ZNF483: variants seen among roughly 807,000 people sequenced by gnomAD.
ZNF483 encodes the protein zinc finger protein HIT-10.
A neutral mutation model predicts 28.6 loss-of-function variants in ZNF483; 9 were observed. That is an observed-to-expected ratio of 0.32 (90% CI 0.19 to 0.55). The LOEUF (loss-of-function observed/expected upper bound fraction) is 0.55. Among genes scored for constraint, ZNF483 ranks in the 20% least tolerant of loss-of-function variants. ZNF483 has a pLI of 0.93. For synonymous variants in ZNF483, 322 were observed against 306.2 expected, an observed-to-expected ratio of 1.05 and a Z score of -0.54; for missense variants, 675 against 871.7, an observed-to-expected ratio of 0.77 and a Z score of 2.84.
intron 5 of ZNF483, among the ~76,000 whole-genome samples, chr9:111,541,088 CT>C (rs747551274): frequency 0.081 from 10,390 of 128,078 alleles, 368 homozygotes; most frequent in East Asian, 0.14. Context: ...AAGTTTGAAC[CT>C]TTTTTTTTTT....
Position 111,527,190 on chromosome 9 carries a change from A to C in ZNF483, c.-128-78A>C, listed in dbSNP as rs1011309020. The C allele has an allele frequency of 8.1e-6, 4 of 494,026 alleles. No homozygotes were observed. In the Admixed American group the frequency reaches 1.4e-4, roughly 17 times the overall value. 30.6% of individuals were successfully genotyped at this position (494,026 alleles called of 1,614,324 possible). ...TATGTGTGTGGATATATTTCTCTGAACCAAACCAAGAACGATGTTTTTAGG... is the reference window on the plus strand; with the variant it reads ...TATGTGTGTGGATATATTTCTCTGACCCAAACCAAGAACGATGTTTTTAGG... On this transcript the variant is annotated intron_variant, in intron 1 of 5. Transcript: ENST00000309235.
chr9:111,544,362 G>A lies in ZNF483; in HGVS notation c.*1192G>A. The stretch of plus-strand genomic sequence containing the variant: ...GGTGTGTGTGCATGTGTGTGTGTGT[G>A]TGTGTGTGTGTATACATTGTTGCCA... On this transcript the variant is annotated 3_prime_UTR_variant, in exon 6 of 6. Coordinates refer to ENST00000309235, the MANE Select transcript of ZNF483 (RefSeq NM_133464.5). 7.1e-6 allele frequency: 7 copies of A among 984,306 alleles called. No individual in the cohort carries two copies. The highest frequency in any genetic ancestry group is 8.4e-6 in the Non-Finnish European group (7 of 829,076). 61.0% of individuals were successfully genotyped at this position (984,306 alleles called of 1,614,324 possible).
At position 111,534,283 on chromosome 9, in the gene ZNF483, G is replaced by C. The variant is rs756053421; in HGVS notation, c.651G>C (p.Glu217Asp). 2 of 1,613,998 alleles carry C rather than the reference G, an allele frequency of 1.2e-6. No individual in the cohort carries two copies. The highest frequency in any genetic ancestry group is 3.3e-5 in the Admixed American group (2 of 59,988). ...CAGACTTTCCAGTTTCAAAATTAGA[G>C]TTGATTTCCCAGCTAAAGTGGGTTG... ...EFLDFPVSKL[E>D]LISQLKWVEL... is the part of the protein sequence containing the mutation. The change falls in exon 5 of 6, where the codon GAG (glutamate) becomes GAC (aspartate). Residue 217 changes from glutamate to aspartate, a missense_variant. Glu to Asp is a conservative substitution (Grantham distance 45, BLOSUM62 2). This residue lies in a region of ZNF483 where 525 missense variants were observed against 581.8 expected (regional missense o/e 0.90). Coordinates refer to ENST00000309235, the MANE Select transcript of ZNF483 (RefSeq NM_133464.5).
At chr9:111,527,951 T>C in intron 2 of ZNF483, 144 bp downstream of exon 2, 1 of 1,539,234 alleles carries the variant, frequency 6.5e-7, no homozygotes, top group Non-Finnish European at 8.8e-7. Context: ...TGCCATTTAC[T>C]GTGTGATTTT....
chr9:111,575,670 C>T (rs1829024448), intron 5 of ZNF483, among the ~76,000 whole-genome samples: 1 of 152,210 alleles, frequency 6.6e-6, no homozygotes, highest in South Asian at 2.1e-4. Flanking sequence ...TTTCAATAAA[C>T]GTGCCGAACA....
At chr9:111,556,625 T>C (rs1828131201), downstream of ZNF483, among the ~76,000 whole-genome samples, 1 of 152,236 alleles carries the variant, frequency 6.6e-6, no homozygotes, top group Admixed American at 6.5e-5. Flanking sequence ...TTAGGGTTTG[T>C]ATCCAATGCT....
At chr9:111,560,082 A>G (rs1828230095), downstream of ZNF483, among the ~76,000 whole-genome samples, 1 of 150,198 alleles carries the variant, frequency 6.7e-6, no homozygotes, top group Non-Finnish European at 1.5e-5. Flanking sequence ...ATGCCTCCCA[A>G]AGTGCCTCAT....
exon 6 of ZNF483, chr9:111,576,557 G>C: frequency 9.9e-7 from 1 of 1,011,994 alleles, no homozygotes; most frequent in Middle Eastern, 2.3e-4. Flanking sequence ...AGCTAGTGGA[G>C]TGGCCATAGG....
At chr9:111,567,735 G>A (rs1335365381) in intron 5 of ZNF483, among the ~76,000 whole-genome samples, 1 of 152,120 alleles carries the variant, frequency 6.6e-6, no homozygotes, top group African/African-American at 2.4e-5. Flanking sequence ...TTAACAGATC[G>A]CTATGGCCAC....
chr9:111,565,913 G>A lies in ZNF483; in HGVS notation c.722-10452G>A, dbSNP rs563183294. Among the ~76,000 whole-genome samples the A allele has an allele frequency of 5.3e-5, 8 of 152,190 alleles. No individual in the cohort carries two copies. In the South Asian group the frequency reaches 8.3e-4, roughly 16 times the overall value. On this transcript the variant is annotated intron_variant, in intron 5 of 5. Coordinates refer to the ZNF483 transcript ENST00000358151. ...TGTGAAAGAAATTAGGCCAACTCAC[G>A]ACTTAAAACCCACTAGGGCTGGGCG...
intron 5 of ZNF483, among the ~76,000 whole-genome samples, chr9:111,540,672 T>A (rs1166341847): frequency 1.3e-5 from 2 of 152,236 alleles, no homozygotes; most frequent in Non-Finnish European, 2.9e-5. Context: ...TAGGGCCAGC[T>A]GTGGTAATCT....
chr9:111,577,983 T>TAATG (rs1829132472), downstream of ZNF483: 1 of 151,884 alleles, frequency 6.6e-6, no homozygotes, highest in Non-Finnish European at 1.5e-5. Flanking sequence ...GAGTGACTGC[T>TAATG]AATGAGTAGC....
chr9:111,534,021 T>C lies in ZNF483; in HGVS notation c.628+156T>C, dbSNP rs1488543630. 2.0e-5 allele frequency among the ~76,000 whole-genome samples: 3 copies of C among 152,214 alleles called. No individual in the cohort carries two copies. The East Asian group carries it at 5.8e-4, about 29-fold the overall frequency. ...TAAAAACTGGTTCTGAAAATGTGCT[T>C]TTCTGCAGCGTATCTTCTAGAAAAG... On this transcript the variant is annotated intron_variant, in intron 4 of 5. Coordinates refer to ENST00000309235, the MANE Select transcript of ZNF483 (RefSeq NM_133464.5).
chr9:111,527,877 G>C, intron 2 of ZNF483, 70 bp downstream of exon 2: 1 of 1,612,448 alleles, frequency 6.2e-7, no homozygotes, highest in African/African-American at 1.3e-5. Context: ...TTCCTCAAAA[G>C]AAGGCAATTT....
intron 5 of ZNF483, among the ~76,000 whole-genome samples, chr9:111,567,606 G>C (rs1047421864): frequency 4.6e-5 from 7 of 152,210 alleles, no homozygotes; most frequent in Non-Finnish European, 8.8e-5. Flanking sequence ...AAATCAGAGA[G>C]ATATCAGGGG....
At chr9:111,533,682 A>G in intron 3 of ZNF483, 57 bp from the exon 4 acceptor site, 1 of 1,489,050 alleles carries the variant, frequency 6.7e-7, no homozygotes, top group Non-Finnish European at 8.9e-7. Flanking sequence ...AAAAAAAAAA[A>G]GTACTTAGGT....
In ZNF483 at chr9:111,542,351, T is replaced by C. The variant is rs758340017; in HGVS notation, c.1416T>C (p.Cys472=). 6.2e-7 allele frequency: 1 copy of C among 1,613,552 alleles called. No individual in the cohort carries two copies. Among genetic ancestry groups the C allele is most frequent in the South Asian group, 1.1e-5 (1 of 91,038 alleles). Reference sequence around the variant, plus strand: ...AAAAACCCTATATGTGTAATGAATGTGGAAAAGCTTTTAGTGATAGTTCAT... The same window carrying C: ...AAAAACCCTATATGTGTAATGAATGCGGAAAAGCTTTTAGTGATAGTTCAT... ...TGEKPYMCNE[C]GKAFSDSSSL... is the part of the protein sequence containing the mutation. The change falls in exon 6 of 6, where the codon TGT becomes TGC. Residue 472 remains cysteine (C), a synonymous_variant. Transcript: ENST00000309235. This position sits in a 1 kb window ranked among gnomAD's most constrained non-coding sequence, Gnocchi z 6.2.
intron 5 of ZNF483, among the ~76,000 whole-genome samples, chr9:111,561,116 G>T (rs1415883290): frequency 0.01 from 483 of 47,142 alleles, 15 homozygotes; most frequent in Non-Finnish European, 0.013. Flanking sequence ...TATATAGAGA[G>T]AGAGAGAGAG....
rs988698986 is a variant in ZNF483 at position 111,553,112 on chromosome 9, C to A, written c.*9942C>A. On this transcript the variant is annotated 3_prime_UTR_variant, in exon 6 of 6. Coordinates refer to ENST00000309235, the MANE Select transcript of ZNF483 (RefSeq NM_133464.5). ...ATTTTGTGTATTCTTTTTTGACTTA[C>A]ACTCACTAAATGGTTGCTAAAAATT... Among the ~76,000 whole-genome samples, 3 of 152,132 alleles carry A rather than the reference C, an allele frequency of 2.0e-5. No homozygotes were observed. The highest frequency in any genetic ancestry group is 4.4e-5 in the Non-Finnish European group (3 of 68,006).
Sources: allele counts gnomAD v4.1 joint callset (sites outside exome capture counted in the v4.1 genomes callset), GRCh38; gene constraint gnomAD v4.1.1; regional missense constraint gnomAD v4.1.1; non-coding constraint Gnocchi (gnomAD v3.1); transcripts MANE v1.5; gene names NCBI Gene and HGNC (gene_info 2026-07-23, HGNC 2026-07-21).